MTTP: variants seen among roughly 807,000 people sequenced by gnomAD.
The protein encoded by MTTP is microsomal triglyceride transfer protein large subunit.
A neutral mutation model predicts 90.6 loss-of-function variants in MTTP; 49 were observed. The ratio of observed to expected loss-of-function variants is 0.54; its 90% CI spans 0.43 to 0.69. The LOEUF is 0.69. Ranked by LOEUF, MTTP falls within the 30% of genes least tolerant of loss-of-function variation. The probability of loss-of-function intolerance (pLI) is 0.00; values close to 1 mark genes in which losing one functional copy is unlikely to be tolerated. For synonymous variants in MTTP, 347 were observed against 384.2 expected (o/e 0.90, Z 1.13); for missense variants, 945 against 1,067.5 (o/e 0.89, Z 1.60).
At chr4:99,603,128 G>A (rs1255053432) in intron 10 of MTTP, among the ~76,000 whole-genome samples, 1 of 152,124 alleles carries the variant, frequency 6.6e-6, no homozygotes. Context: ...AATAATGTAT[G>A]AAAAGGCCCA....
At chr4:99,582,863 T>G (rs1725153821) in intron 2 of MTTP, among the ~76,000 whole-genome samples, 1 of 152,192 alleles carries the variant, frequency 6.6e-6, no homozygotes, top group Non-Finnish European at 1.5e-5. Flanking sequence ...TAATTGCTCT[T>G]GTGTTTTCCA....
intron 1 of MTTP, among the ~76,000 whole-genome samples, chr4:99,578,556 G>C (rs535326637): frequency 6.6e-6 from 1 of 152,146 alleles, no homozygotes; most frequent in African/African-American, 2.4e-5. Flanking sequence ...GGAATAAAGG[G>C]CCCATTCTTT....
intron 8 of MTTP, among the ~76,000 whole-genome samples, chr4:99,597,688 G>A (rs1172725040): frequency 2.6e-5 from 4 of 152,190 alleles, no homozygotes; most frequent in Non-Finnish European, 5.9e-5. Flanking sequence ...TATGTTTTAT[G>A]TAAAAAATTG....
At chr4:99,567,585 C>G (rs1209121894) in intron 1 of MTTP, among the ~76,000 whole-genome samples, 1 of 152,174 alleles carries the variant, frequency 6.6e-6, no homozygotes, top group East Asian at 1.9e-4. Flanking sequence ...GCAGGAGGGT[C>G]TGAAGCTGCT....
chr4:99,577,593 G>A (rs1285805948), intron 1 of MTTP, among the ~76,000 whole-genome samples: 7 of 99,044 alleles, frequency 7.1e-5, no homozygotes, highest in African/African-American at 2.0e-4. Flanking sequence ...CAATAAGAGC[G>A]AAACTCTGTT....
chr4:99,582,925 C>G (rs1329587894), intron 2 of MTTP, among the ~76,000 whole-genome samples: 4 of 152,150 alleles, frequency 2.6e-5, no homozygotes, highest in African/African-American at 9.7e-5. Flanking sequence ...CTCAATACAA[C>G]AGTAAACTGT....
Position 99,623,065 on chromosome 4 carries a change from A to G in MTTP, c.*217A>G, listed in dbSNP as rs370975631. 1 of 584,882 alleles carries G rather than the reference A, an allele frequency of 1.7e-6. No individual in the cohort carries two copies. The allele number at this position is 584,882 out of a possible 1,614,324, so 36.2% of individuals were successfully genotyped here. A position where few individuals can be genotyped will look rare whatever the true frequency, so the allele number is the denominator to read the frequency against. On this transcript the variant is annotated 3_prime_UTR_variant, in exon 18 of 18. Coordinates refer to ENST00000265517, the MANE Select transcript of MTTP (RefSeq NM_001386140.1). ...GAATCATCATGTGACGCTTTCAACA[A>G]CGTTCTTAGTTTACTTATACCTCTC... is the stretch of plus-strand genomic sequence containing the variant.
intron 1 of MTTP, among the ~76,000 whole-genome samples, chr4:99,569,045 G>A (rs573009550): frequency 6.6e-6 from 1 of 152,046 alleles, no homozygotes; most frequent in Non-Finnish European, 1.5e-5. Context: ...TGAAAAAAAG[G>A]GTGAAGAAAA....
At position 99,589,747 on chromosome 4, in the gene MTTP, T is replaced by G. The variant is rs1180845519; in HGVS notation, c.498T>G (p.Asn166Lys). The G allele has an allele frequency of 6.5e-7, 1 of 1,544,898 alleles. No individual in the cohort carries two copies. Among genetic ancestry groups the G allele is most frequent in the African/African-American group, 1.4e-5 (1 of 72,232 alleles). Residue 166 changes from asparagine to lysine, a missense_variant, in exon 4 of 18, where the codon AAT becomes AAG. Asn to Lys is a moderately conservative substitution (Grantham distance 94). Coordinates refer to ENST00000265517, the MANE Select transcript of MTTP (RefSeq NM_001386140.1). ...CACAGTTAAGCTCTGGAACCACCAATGAGGTACTTACCAATATTAATAAGG... is the reference window on the plus strand; with the variant it reads ...CACAGTTAAGCTCTGGAACCACCAAGGAGGTACTTACCAATATTAATAAGG... ...FQTQLSSGTT[N>K]EVDISGNCKV... is the part of the protein sequence containing the mutation.
intron 17 of MTTP, among the ~76,000 whole-genome samples, 184 bp downstream of exon 17, chr4:99,621,415 CAAA>C (rs71600263): frequency 6.7e-6 from 1 of 150,324 alleles, no homozygotes; most frequent in African/African-American, 2.4e-5. Flanking sequence ...TCTGGGATAC[CAAA>C]AAAAAATCTA....
Position 99,622,621 on chromosome 4 carries a change from G to A in MTTP, c.2514-56G>A, listed in dbSNP as rs1218183553. 2.5e-6 allele frequency: 4 copies of A among 1,575,640 alleles called. No individual in the cohort carries two copies. The Admixed American group carries it at 5.0e-5, about 20-fold the overall frequency. ...TACATTCAGTAACTTGGCTGGAGAG[G>A]TATAGGGTGACTTAACTGTGTGTGT... On this transcript the variant is annotated intron_variant, in intron 17 of 17. Transcript: ENST00000265517.
At chr4:99,616,268 C>T (rs1726097411) in intron 15 of MTTP, among the ~76,000 whole-genome samples, 1 of 152,088 alleles carries the variant, frequency 6.6e-6, no homozygotes, top group African/African-American at 2.4e-5. Flanking sequence ...GTGGGGTATG[C>T]CTGTAGTCCC....
At chr4:99,580,898 A>C (rs975324476) in intron 1 of MTTP, among the ~76,000 whole-genome samples, 2 of 152,134 alleles carry the variant, frequency 1.3e-5, no homozygotes, top group Non-Finnish European at 2.9e-5. Flanking sequence ...CACCTTTCTC[A>C]GCTGCTTTGC....
At chr4:99,595,527 A>T (rs1725533195) in intron 7 of MTTP, 1 of 157,280 alleles carries the variant, frequency 6.4e-6, no homozygotes, top group Non-Finnish European at 1.4e-5. Context: ...ATCTCTTGTC[A>T]GAAGAGCAAA....
Position 99,622,802 on chromosome 4 carries a change from T to C in MTTP, c.2639T>C (p.Val880Ala), listed in dbSNP as rs755032056. ...LHQENSEMCK[V>A]VFAPQPDSTS... The stretch of plus-strand genomic sequence containing the variant: ...CAAGAGAACTCAGAGATGTGCAAAG[T>C]GGTGTTTGCCCCTCAGCCGGATAGT... The change falls in exon 18 of 18, where the codon GTG (valine) becomes GCG (alanine). Residue 880 changes from valine (V) to alanine (A), a missense_variant. Coordinates refer to ENST00000265517, the MANE Select transcript of MTTP (RefSeq NM_001386140.1). The C allele has an allele frequency of 2.6e-5, 42 of 1,614,106 alleles. No individual in the cohort carries two copies. Among genetic ancestry groups the C allele is most frequent in the Non-Finnish European group, 3.5e-5 (41 of 1,179,980 alleles).
At chr4:99,594,610 G>C in intron 6 of MTTP, 123 bp from the exon 7 acceptor site, 4 of 1,120,408 alleles carry the variant, frequency 3.6e-6, no homozygotes, top group Non-Finnish European at 5.3e-6. Context: ...ATCACAGTTT[G>C]AAAGACATGG....
intron 5 of MTTP, 57 bp from the exon 6 acceptor site, chr4:99,591,594 G>T: frequency 1.3e-6 from 2 of 1,563,358 alleles, no homozygotes; most frequent in South Asian, 2.3e-5. Flanking sequence ...TATTTGACTT[G>T]ATTCAATAAT....
intron 9 of MTTP, 58 bp from the exon 10 acceptor site, chr4:99,601,549 G>C (rs1725698063): frequency 8.1e-7 from 1 of 1,241,008 alleles, no homozygotes; most frequent in Non-Finnish European, 1.2e-6. Context: ...AACTAAAAGT[G>C]TTCCTTGGAA....
In MTTP at chr4:99,578,218, A is replaced by G. The variant is rs1578232225; in HGVS notation, c.61+3248A>G. Among the ~76,000 whole-genome samples, 8 of 152,340 alleles carry G rather than the reference A, an allele frequency of 5.3e-5. 2 individuals are homozygous for G. The highest frequency in any genetic ancestry group is 5.2e-4 in the Admixed American group (8 of 15,294). ...CAGTTTTGTTGCTTTTAAGTCACTT[A>G]AAAATTCTAAATGCACTTGAAGGGC... On this transcript the variant is annotated intron_variant, in intron 1 of 17. Transcript: ENST00000265517.
Sources: gnomAD v4.1 joint callset for allele counts (sites outside exome capture counted in the v4.1 genomes callset) on GRCh38, gnomAD v4.1.1 for gene constraint, MANE v1.5 for transcripts, NCBI Gene and HGNC (gene_info 2026-07-23, HGNC 2026-07-21) for gene names.